The following KIAA0319L variants were observed in gnomAD, a reference collection of about 807,000 sequenced individuals.
The protein encoded by KIAA0319L is KIAA0319 like.
A neutral mutation model predicts 120.1 loss-of-function variants in KIAA0319L; 55 were observed. The observed-to-expected ratio is 0.46, with a 90% CI of 0.37 to 0.57. KIAA0319L has a LOEUF of 0.57. Among genes scored for constraint, KIAA0319L ranks in the 20% least tolerant of loss-of-function variants. KIAA0319L has a pLI of 0.00. For missense variants in KIAA0319L, 1,049 were observed against 1,255.3 expected, an observed-to-expected ratio of 0.84 and a Z score of 2.48; for synonymous variants, 398 against 471.9, an observed-to-expected ratio of 0.84 and a Z score of 2.03.
chr1:35,497,831 T>C (rs1427294928), intron 3 of KIAA0319L, among the ~76,000 whole-genome samples: 1 of 152,224 alleles, frequency 6.6e-6, no homozygotes, highest in Non-Finnish European at 1.5e-5. Flanking sequence ...CACCATTGTG[T>C]GCAAAGTTTT....
At chr1:35,537,409 T>C (rs1646620473) in intron 2 of KIAA0319L, among the ~76,000 whole-genome samples, 1 of 150,374 alleles carries the variant, frequency 6.7e-6, no homozygotes, top group Non-Finnish European at 1.5e-5. Context: ...TTTTCTGGCT[T>C]GTTTTGTTGT....
chr1:35,446,487 T>G (rs1365597162), intron 16 of KIAA0319L, among the ~76,000 whole-genome samples: 2 of 152,212 alleles, frequency 1.3e-5, no homozygotes, highest in Non-Finnish European at 2.9e-5. Context: ...CCTCAAACCA[T>G]GAAATCTGTC....
At chr1:35,482,430 CTT>C (rs777518171) in intron 3 of KIAA0319L, among the ~76,000 whole-genome samples, 14 of 134,234 alleles carry the variant, frequency 1.0e-4, no homozygotes, top group African/African-American at 1.6e-4. Flanking sequence ...ATCTACAGGT[CTT>C]TTTTTTTTTT....
At chr1:35,557,062 G>A (rs1419896913) in intron 1 of KIAA0319L, 145 bp downstream of exon 1, 1 of 153,758 alleles carries the variant, frequency 6.5e-6, no homozygotes, top group Non-Finnish European at 1.5e-5. Context: ...AAGGACAGAA[G>A]CAGCTGGCTG....
chr1:35,456,744 G>A (rs1417733500), intron 9 of KIAA0319L, among the ~76,000 whole-genome samples: 1 of 151,826 alleles, frequency 6.6e-6, no homozygotes, highest in Non-Finnish European at 1.5e-5. Flanking sequence ...CCGGGAGGCG[G>A]ACGTTGCAGT....
intron 2 of KIAA0319L, chr1:35,510,585 C>CATTTATTTATTTATTT (rs113216756): frequency 3.4e-5 from 5 of 147,142 alleles, no homozygotes; most frequent in African/African-American, 1.3e-4. Context: ...CTTTTAAAAA[C>CATTTATTTATTTATTT]ATTTATTTAT....
At chr1:35,443,503 C>T (rs1286411768) in intron 17 of KIAA0319L, among the ~76,000 whole-genome samples, 1 of 151,944 alleles carries the variant, frequency 6.6e-6, no homozygotes, top group Non-Finnish European at 1.5e-5. Flanking sequence ...GAAACCCCAT[C>T]TCTACTAAAA....
intron 2 of KIAA0319L, among the ~76,000 whole-genome samples, chr1:35,509,129 A>C (rs1165718831): frequency 1.3e-5 from 2 of 152,162 alleles, no homozygotes; most frequent in Non-Finnish European, 2.9e-5. Context: ...GGCAAGAAGA[A>C]GGCAAGCATA....
intron 3 of KIAA0319L, among the ~76,000 whole-genome samples, chr1:35,495,920 A>G (rs888353052): frequency 6.6e-6 from 1 of 152,184 alleles, no homozygotes; most frequent in African/African-American, 2.4e-5. Flanking sequence ...ATTCAACATC[A>G]TTAGTCATTA....
chr1:35,526,257 T>A (rs1333813884), intron 2 of KIAA0319L, among the ~76,000 whole-genome samples: 1 of 148,048 alleles, frequency 6.8e-6, no homozygotes, highest in Non-Finnish European at 1.5e-5. Flanking sequence ...GAATTTTATA[T>A]ACATATATAT....
chr1:35,478,872 AAGT>A lies in KIAA0319L; in HGVS notation c.913+91_913+93del, dbSNP rs1644021431. 7 of 1,420,966 alleles carry A rather than the reference AAGT, an allele frequency of 4.9e-6. 1 individual carries two copies. The South Asian group carries it at 9.1e-5, about 18-fold the overall frequency. The allele number at this position is 1,420,966 out of a possible 1,614,324, so 88.0% of individuals were successfully genotyped here. On this transcript the variant is annotated intron_variant, in intron 4 of 20. Coordinates refer to ENST00000325722, the MANE Select transcript of KIAA0319L (RefSeq NM_024874.5). The stretch of plus-strand genomic sequence containing the variant: ...ATTTTTTCTCTAACACACAGTATTC[AAGT>A]TATGCCTCCCTTCCTTCTTTCCTCT...
At chr1:35,499,749 C>T (rs1236804557) in intron 3 of KIAA0319L, among the ~76,000 whole-genome samples, 1 of 135,102 alleles carries the variant, frequency 7.4e-6, no homozygotes, top group African/African-American at 2.8e-5. Flanking sequence ...AGAACTAACA[C>T]AACAAAAACA....
chr1:35,475,514 T>C, intron 4 of KIAA0319L, among the ~76,000 whole-genome samples: 1 of 152,014 alleles, frequency 6.6e-6, no homozygotes, highest in East Asian at 1.9e-4. Context: ...CTCACTCTGT[T>C]GCTCAGGATA....
chr1:35,533,734 C>T (rs1187000997), intron 2 of KIAA0319L, among the ~76,000 whole-genome samples: 1 of 152,176 alleles, frequency 6.6e-6, no homozygotes, highest in Non-Finnish European at 1.5e-5. Context: ...TGGGTCTCAG[C>T]CAAGATGGCT....
At chr1:35,512,330 C>A (rs961626062) in intron 2 of KIAA0319L, among the ~76,000 whole-genome samples, 22 of 136,150 alleles carry the variant, frequency 1.6e-4, no homozygotes, top group South Asian at 4.6e-4. Flanking sequence ...AAACTTTGAC[C>A]AAAAAAAAAA....
At chr1:35,537,576 T>C (rs1474436140) in intron 2 of KIAA0319L, among the ~76,000 whole-genome samples, 7 of 147,228 alleles carry the variant, frequency 4.8e-5, no homozygotes, top group South Asian at 2.1e-4. Flanking sequence ...AATTTACCCA[T>C]TGAAACTCTC....
intron 19 of KIAA0319L, among the ~76,000 whole-genome samples, chr1:35,441,796 G>A (rs553273975): frequency 2.0e-5 from 3 of 152,146 alleles, no homozygotes; most frequent in East Asian, 1.9e-4. Flanking sequence ...AACACAGGAC[G>A]CCTGAGCCTG....
At position 35,549,337 on chromosome 1, in the gene KIAA0319L, C is replaced by T. The variant is rs146878900; in HGVS notation, c.142+5013G>A. ...TGCTAGGATAAGCCAATGCACCTGG[C>T]CTCTACCTTTTCACTTGCTACTGGT... is the stretch of plus-strand genomic sequence containing the variant. On this transcript the variant is annotated intron_variant, in intron 2 of 20. Transcript: ENST00000325722. Among the ~76,000 whole-genome samples the T allele has an allele frequency of 1.8e-3, 273 of 152,206 alleles. 1 individual carries two copies. Among genetic ancestry groups the T allele is most frequent in the Admixed American group, 8.6e-3 (132 of 15,276 alleles).
rs570439518 is a variant in KIAA0319L at position 35,501,878 on chromosome 1, C to CAAA, written c.666+4731_666+4733dup. On this transcript the variant is annotated intron_variant, in intron 3 of 20. Coordinates refer to ENST00000325722, the MANE Select transcript of KIAA0319L (RefSeq NM_024874.5). ...GGGCAATAAGAGCAAAATTCCATCTCAAAAAAAAAAAAAAAAGAGGACTGA... is the reference window on the plus strand; with the variant it reads ...GGGCAATAAGAGCAAAATTCCATCTCAAAAAAAAAAAAAAAAAAAGAGGACTGA... Among the ~76,000 whole-genome samples, 29 of 94,298 alleles carry CAAA rather than the reference C, an allele frequency of 3.1e-4. 1 individual carries two copies. Among genetic ancestry groups the CAAA allele is most frequent in the African/African-American group, 7.0e-4 (22 of 31,352 alleles). The allele number at this position is 94,298 out of a possible 152,430, so 61.9% of individuals were successfully genotyped here.
Sources: gnomAD v4.1 joint callset for allele counts (sites outside exome capture counted in the v4.1 genomes callset) on GRCh38, gnomAD v4.1.1 for gene constraint, MANE v1.5 for transcripts, NCBI Gene and HGNC (gene_info 2026-07-23, HGNC 2026-07-21) for gene names.